The following SEC11A variants were observed in gnomAD, a reference collection of about 807,000 sequenced individuals.
SEC11A encodes SEC11 homolog A, signal peptidase complex subunit, also known as signal peptidase complex catalytic subunit SEC11A.
SEC11A carries 14 observed loss-of-function variants against 25.6 expected under a neutral mutation model. The ratio of observed to expected loss-of-function variants is 0.55; its 90% CI spans 0.36 to 0.85. SEC11A has a LOEUF of 0.85. Ranked by LOEUF, SEC11A falls within the 40% of genes least tolerant of loss-of-function variation. The probability of loss-of-function intolerance (pLI) is 0.01; values close to 1 mark genes in which losing one functional copy is unlikely to be tolerated. For synonymous variants in SEC11A, 83 were observed against 76.4 expected, an observed-to-expected ratio of 1.09 and a Z score of -0.45; for missense variants, 153 against 222.9, an observed-to-expected ratio of 0.69 and a Z score of 2.00.
At chr15:84,699,212 G>A (rs1299023725) in intron 1 of SEC11A, among the ~76,000 whole-genome samples, 1 of 151,608 alleles carries the variant, frequency 6.6e-6, no homozygotes, top group South Asian at 2.1e-4. Context: ...CTGCTCGGGA[G>A]GTTGAGGTGG....
intron 1 of SEC11A, among the ~76,000 whole-genome samples, chr15:84,714,264 T>G (rs942506269): frequency 6.6e-6 from 1 of 152,184 alleles, no homozygotes. Flanking sequence ...TCCGCCTGCC[T>G]CAGCCTCCCA....
intron 1 of SEC11A, among the ~76,000 whole-genome samples, chr15:84,698,044 C>T (rs534303512): frequency 1.3e-5 from 2 of 151,926 alleles, no homozygotes; most frequent in South Asian, 4.2e-4. Flanking sequence ...GAGCCTTCCC[C>T]CAAACTCCTG....
intron 1 of SEC11A, among the ~76,000 whole-genome samples, chr15:84,706,556 A>C (rs1450934467): frequency 2.0e-5 from 3 of 152,224 alleles, no homozygotes; most frequent in Non-Finnish European, 2.9e-5. Flanking sequence ...ATCAGGCAAG[A>C]AATTATGACC....
At chr15:84,714,454 T>C (rs1481081448) in intron 1 of SEC11A, among the ~76,000 whole-genome samples, 1 of 152,218 alleles carries the variant, frequency 6.6e-6, no homozygotes, top group East Asian at 1.9e-4. Context: ...GACCCTACGT[T>C]TGCACAACAT....
At chr15:84,713,592 G>A (rs775873649) in intron 1 of SEC11A, among the ~76,000 whole-genome samples, 2 of 152,148 alleles carry the variant, frequency 1.3e-5, no homozygotes, top group Non-Finnish European at 2.9e-5. Context: ...CACTAACCCT[G>A]AATGTCCTAG....
intron 4 of SEC11A, chr15:84,679,976 C>T (rs1188639485): frequency 1.3e-6 from 2 of 1,520,060 alleles, no homozygotes; most frequent in Non-Finnish European, 1.8e-6. Flanking sequence ...AAATCTGAAA[C>T]AAACAGGCTT....
intron 5 of SEC11A, 88 bp from the exon 6 acceptor site, chr15:84,670,157 A>C (rs1044485678): frequency 4.7e-6 from 6 of 1,267,458 alleles, no homozygotes; most frequent in African/African-American, 1.5e-5. Flanking sequence ...GTCTTTGTGA[A>C]TATATCGCTA....
intron 4 of SEC11A, among the ~76,000 whole-genome samples, chr15:84,679,656 C>T (rs769820320): frequency 6.6e-6 from 1 of 152,184 alleles, no homozygotes; most frequent in Non-Finnish European, 1.5e-5. Context: ...AAATGTTACG[C>T]TAGTAATTTT....
chr15:84,680,256 G>T (rs1027103053), intron 4 of SEC11A, among the ~76,000 whole-genome samples: 1 of 150,990 alleles, frequency 6.6e-6, no homozygotes, highest in South Asian at 2.1e-4. Context: ...AGCTGAGATC[G>T]CGCTATTGCA....
chr15:84,697,232 A>T (rs1157714564), intron 1 of SEC11A, among the ~76,000 whole-genome samples: 2 of 152,182 alleles, frequency 1.3e-5, no homozygotes, highest in African/African-American at 2.4e-5. Context: ...ACTGCATTCT[A>T]GCATGGGTAA....
intron 4 of SEC11A, among the ~76,000 whole-genome samples, chr15:84,675,430 G>C (rs1170957823): frequency 6.6e-6 from 1 of 152,146 alleles, no homozygotes; most frequent in African/African-American, 2.4e-5. Context: ...GCACAATTCT[G>C]TCAAATATCA....
At chr15:84,684,700 G>A (rs868672655) in intron 3 of SEC11A, among the ~76,000 whole-genome samples, 7 of 152,202 alleles carry the variant, frequency 4.6e-5, no homozygotes, top group Non-Finnish European at 1.5e-5. Flanking sequence ...GGGAGGCAGA[G>A]GTGGGTGAAT....
intron 4 of SEC11A, among the ~76,000 whole-genome samples, chr15:84,676,064 G>A (rs1301192190): frequency 3.3e-5 from 5 of 152,136 alleles, no homozygotes; most frequent in African/African-American, 1.2e-4. Context: ...GAAATGTTCT[G>A]GAATTAGATA....
At chr15:84,677,479 T>C (rs1026426378) in intron 4 of SEC11A, among the ~76,000 whole-genome samples, 16 of 150,662 alleles carry the variant, frequency 1.1e-4, no homozygotes, top group Admixed American at 2.0e-4. Context: ...CTTTTTCTTT[T>C]TTTTTTTTTT....
chr15:84,682,346 T>A (rs1897302999), intron 3 of SEC11A, among the ~76,000 whole-genome samples: 1 of 152,028 alleles, frequency 6.6e-6, no homozygotes, highest in Non-Finnish European at 1.5e-5. Flanking sequence ...CTAACAAACA[T>A]GAATTACTTT....
chr15:84,714,018 C>CTTTTTTTTTTTT (rs34873142), intron 1 of SEC11A, among the ~76,000 whole-genome samples: 1 of 100,428 alleles, frequency 1.0e-5, no homozygotes, highest in African/African-American at 4.0e-5. Context: ...CATATACCTT[C>CTTTTTTTTTTTT]TTTTTTTTTT....
chr15:84,709,100 G>C (rs893550756), intron 1 of SEC11A, among the ~76,000 whole-genome samples: 2 of 152,006 alleles, frequency 1.3e-5, no homozygotes, highest in Non-Finnish European at 2.9e-5. Flanking sequence ...AAAAATCTCA[G>C]CAAGCAGAGA....
chr15:84,681,141 G>T (rs991563882), intron 3 of SEC11A, among the ~76,000 whole-genome samples: 2 of 152,116 alleles, frequency 1.3e-5, no homozygotes, highest in Admixed American at 1.3e-4. Context: ...AGCATGTACA[G>T]TACAATCTCA....
intron 4 of SEC11A, among the ~76,000 whole-genome samples, chr15:84,677,573 T>C (rs911500812): frequency 6.6e-6 from 1 of 151,196 alleles, no homozygotes; most frequent in Admixed American, 6.6e-5. Flanking sequence ...CCCGGGTTCA[T>C]GCCATTCTCC....
Sources: allele counts gnomAD v4.1 joint callset (sites outside exome capture counted in the v4.1 genomes callset), GRCh38; gene constraint gnomAD v4.1.1; transcripts MANE v1.5; gene names NCBI Gene and HGNC (gene_info 2026-07-23, HGNC 2026-07-21).